Variants in FAM200B observed in about 807,000 individuals in gnomAD.
FAM200B encodes the protein zinc finger BED-type containing 11, also known as protein FAM200B.
FAM200B carries 32 observed loss-of-function variants against 33.1 expected under a neutral mutation model. The ratio of observed to expected loss-of-function variants is 0.97; its 90% confidence interval spans 0.73 to 1.30. The LOEUF (loss-of-function observed/expected upper bound fraction) is 1.30. FAM200B is among the 50% of genes most tolerant of loss of function. FAM200B has a pLI of 0.00. For synonymous variants in FAM200B, 240 were observed against 264.8 expected (o/e 0.91, Z 0.91); for missense variants, 741 against 754.0 (o/e 0.98, Z 0.20).
At chr4:15,678,031 T>G (rs1718059724), upstream of FAM200B, among the ~76,000 whole-genome samples, 1 of 152,214 alleles carries the variant, frequency 6.6e-6, no homozygotes, top group Admixed American at 6.5e-5. Flanking sequence ...GCTATTGGAA[T>G]GATGTATCAT....
intron 1 of FAM200B, among the ~76,000 whole-genome samples, chr4:15,682,927 GA>G (rs1718466228): frequency 6.6e-6 from 1 of 152,180 alleles, no homozygotes. Flanking sequence ...GAGAAACCTG[GA>G]AAGATGAGGC....
upstream of FAM200B, among the ~76,000 whole-genome samples, chr4:15,680,991 A>G (rs1214922445): frequency 1.3e-5 from 2 of 149,796 alleles, no homozygotes; most frequent in African/African-American, 4.9e-5. Flanking sequence ...CTCAACCACA[A>G]AAAAATTTGG....
the FAM200B span, among the ~76,000 whole-genome samples, chr4:15,652,773 C>T: frequency 6.6e-6 from 1 of 152,144 alleles, no homozygotes; most frequent in Admixed American, 6.5e-5. Flanking sequence ...TAACTGACTT[C>T]TTGATAATAA....
chr4:15,658,251 C>T, the FAM200B span, among the ~76,000 whole-genome samples: 7 of 152,188 alleles, frequency 4.6e-5, no homozygotes, highest in Non-Finnish European at 1.0e-4. Context: ...CGTTTTGACC[C>T]AGTTGGAATC....
rs1443950611 is a variant in FAM200B at position 15,687,893 on chromosome 4, CAT to C, written c.918_919del (p.His306GlnfsTer5). 1.3e-6 allele frequency: 2 copies of C among 1,550,818 alleles called. No homozygotes were observed. Among genetic ancestry groups the C allele is most frequent in the South Asian group, 1.2e-5 (1 of 83,990 alleles). The stretch of plus-strand genomic sequence containing the variant: ...TGGCACAGCAACCATGACTGGAAAA[CAT>C]AGCAGAGTAATTAAAAAATTACTAG... ...SDGTATMTGKHSRVIKKLLEV... is the reference protein window; with the variant it reads ...SDGTATMTGKXSRVIKKLLEV... On this transcript the variant is annotated frameshift_variant, in exon 2 of 2. Transcript: ENST00000422728. LOFTEE classifies it high-confidence loss of function.
the FAM200B span, among the ~76,000 whole-genome samples, chr4:15,662,291 G>C: frequency 6.7e-6 from 1 of 150,364 alleles, no homozygotes; most frequent in Non-Finnish European, 1.5e-5. Context: ...ACCAACTCTA[G>C]AGGGTAGTCT....
the FAM200B span, among the ~76,000 whole-genome samples, chr4:15,655,701 C>G: frequency 1.3e-5 from 2 of 152,352 alleles, no homozygotes; most frequent in Non-Finnish European, 2.9e-5. Context: ...CAGCCAAGCA[C>G]AATGGCCGCG....
At chr4:15,659,613 C>G in the FAM200B span, 3 of 320,762 alleles carry the variant, frequency 9.4e-6, no homozygotes, top group African/African-American at 6.7e-5. Context: ...ATCATAGTCT[C>G]TTTCATTTTA....
the FAM200B span, chr4:15,656,171 C>T: frequency 2.2e-6 from 1 of 456,122 alleles, no homozygotes. Context: ...GGGAAAGAAC[C>T]TTGGTACAAA....
In FAM200B at chr4:15,688,634, A is replaced by C; in HGVS notation, c.1657A>C (p.Asn553His). Residue 553 changes from asparagine to histidine, a missense_variant, in exon 2 of 2, where the codon AAC becomes CAC. Coordinates refer to ENST00000422728, the MANE Select transcript of FAM200B (RefSeq NM_001145191.2). ...ACACCCTGAATCAATAATTGAGCTA[A>C]ACTTGGTGCCTGAAGAAGAGAATGA... ...FRHPESIIEL[N>H]LVPEEENELL... 6.4e-7 allele frequency: 1 copy of C among 1,551,340 alleles called. No individual in the cohort carries two copies. The highest frequency in any genetic ancestry group is 8.7e-7 in the Non-Finnish European group (1 of 1,146,706).
the FAM200B span, chr4:15,644,770 T>A: frequency 8.3e-7 from 1 of 1,204,206 alleles, no homozygotes; most frequent in Non-Finnish European, 1.2e-6. Flanking sequence ...AAATAAAAAA[T>A]ATTCAAATAC....
the FAM200B span, chr4:15,656,172 T>A: frequency 2.2e-6 from 1 of 456,088 alleles, no homozygotes; most frequent in Non-Finnish European, 4.4e-6. Context: ...GGAAAGAACC[T>A]TGGTACAAAT....
chr4:15,641,746 G>T, the FAM200B span: 1 of 369,940 alleles, frequency 2.7e-6, no homozygotes, highest in Non-Finnish European at 5.3e-6. Context: ...ACATTATCCT[G>T]CCAGGCACGG....
the FAM200B span, among the ~76,000 whole-genome samples, chr4:15,653,721 A>G: frequency 2.6e-5 from 4 of 152,170 alleles, no homozygotes; most frequent in Admixed American, 6.5e-5. Context: ...TAAAAACACT[A>G]TAATACTGCT....
upstream of FAM200B, among the ~76,000 whole-genome samples, chr4:15,677,089 A>G (rs1016256367): frequency 6.6e-6 from 1 of 152,130 alleles, no homozygotes; most frequent in Non-Finnish European, 1.5e-5. Flanking sequence ...ACTATAATAA[A>G]CTCTGAAGAC....
chr4:15,649,017 G>A, the FAM200B span, among the ~76,000 whole-genome samples: 1 of 151,376 alleles, frequency 6.6e-6, no homozygotes, highest in Non-Finnish European at 1.5e-5. Context: ...CAATAAAGCT[G>A]GGAAAAAATG....
chr4:15,664,715 G>A, the FAM200B span, among the ~76,000 whole-genome samples: 68 of 151,514 alleles, frequency 4.5e-4, no homozygotes, highest in East Asian at 0.012. Flanking sequence ...CTGATACCAC[G>A]CCCGGCTAAC....
the FAM200B span, among the ~76,000 whole-genome samples, chr4:15,668,042 T>TA: frequency 2.7e-3 from 356 of 132,372 alleles, no homozygotes; most frequent in Middle Eastern, 7.7e-3. Context: ...ACTCTATCTC[T>TA]AAAAAAAAAA....
chr4:15,643,998 A>G, the FAM200B span, among the ~76,000 whole-genome samples: 1 of 152,198 alleles, frequency 6.6e-6, no homozygotes, highest in Non-Finnish European at 1.5e-5. Flanking sequence ...CCTCTTCTCA[A>G]CTTAGGCCTG....
Sources: gnomAD v4.1 joint callset for allele counts (sites outside exome capture counted in the v4.1 genomes callset) on GRCh38, gnomAD v4.1.1 for gene constraint, MANE v1.5 for transcripts, NCBI Gene and HGNC (gene_info 2026-07-23, HGNC 2026-07-21) for gene names.